TULP1: variants seen among roughly 807,000 people sequenced by gnomAD.
TULP1 encodes TUB like protein 1, also known as tubby-related protein 1.
Under a neutral mutation model 67.1 loss-of-function variants are expected in TULP1, and 50 were observed. The ratio of observed to expected loss-of-function variants is 0.75; its 90% CI spans 0.59 to 0.94. The LOEUF is 0.94. Among genes scored for constraint, TULP1 ranks in the 40% least tolerant of loss-of-function variants. The pLI is 0.00. For synonymous variants in TULP1, 297 were observed against 294.0 expected, an observed-to-expected ratio of 1.01 and a Z score of -0.11; for missense variants, 746 against 734.1, an observed-to-expected ratio of 1.02 and a Z score of -0.19.
chr6:35,500,280 G>A, intron 13 of TULP1, 128 bp from the exon 14 acceptor site: 1 of 1,002,274 alleles, frequency 1.0e-6, no homozygotes, highest in Non-Finnish European at 1.6e-6. Context: ...TCATCCATTA[G>A]GGTATCTGAG....
Position 35,506,112 on chromosome 6 carries a change from C to T in TULP1, c.890G>A (p.Arg297Gln), listed in dbSNP as rs777674253. 3 of 1,613,664 alleles carry T rather than the reference C, an allele frequency of 1.9e-6. No homozygotes were observed. The highest frequency in any genetic ancestry group is 1.7e-5 in the Admixed American group (1 of 60,020). Residue 297 changes from arginine to glutamine, a missense_variant, in exon 10 of 15, where the codon CGG (arginine) becomes CAG (glutamine). Arg to Gln is a conservative substitution (Grantham distance 43). Transcript: ENST00000229771. ...EVDEPREFVL[R>Q]PAPQGRTVRC... ...CACCGTGCGGCCCTGGGGGGCAGGC[C>T]GGAGCACAAACTCCCGGGGTTCGTC...
chr6:35,512,098 G>A (rs1357747672), intron 3 of TULP1, 82 bp downstream of exon 3: 1 of 850,678 alleles, frequency 1.2e-6, no homozygotes, highest in Admixed American at 3.7e-5. Context: ...CCAGGGCTCG[G>A]CGACACCCGC....
chr6:35,498,593 C>A lies in TULP1; in HGVS notation c.1496-133G>T. The A allele has an allele frequency of 7.4e-7, 1 of 1,346,310 alleles. No individual in the cohort carries two copies. Among genetic ancestry groups the A allele is most frequent in the Non-Finnish European group, 1.0e-6 (1 of 981,270 alleles). The allele number at this position is 1,346,310 out of a possible 1,614,324, so 83.4% of individuals were successfully genotyped here. On this transcript the variant is annotated intron_variant, in intron 14 of 14. Transcript: ENST00000229771. The surrounding 1 kb of genome is among the most constrained non-coding windows in gnomAD (Gnocchi z 6.7). ...CAACCCTCAGCCACCATCTCAGTTA[C>A]TCAACACCCATCCCTTCTTCTATCT...
In TULP1 at chr6:35,509,237, T is replaced by G; in HGVS notation, c.794A>C (p.Lys265Thr). 1 of 1,613,860 alleles carries G rather than the reference T, an allele frequency of 6.2e-7. No homozygotes were observed. Among genetic ancestry groups the G allele is most frequent in the East Asian group, 2.2e-5 (1 of 44,872 alleles). The stretch of plus-strand genomic sequence containing the variant: ...TTTGCCTTTTCCTTTGGCTTTGCCC[T>G]TTTGATTGCTCTTCTTTATCACCGT... ...AATVIKKSNQ[K>T]GKAKGKGKKK... is the part of the protein sequence containing the mutation. The change falls in exon 8 of 15, where the codon AAG (lysine) becomes ACG (threonine). Residue 265 changes from lysine (K) to threonine (T), a missense_variant. Physicochemically the swap from Lys to Thr is moderately conservative, Grantham distance 78. Around this residue, in one of 3 missense-constraint regions of TULP1, gnomAD observed 4 missense variants for 18.1 expected, o/e 0.22. Transcript: ENST00000229771.
At position 35,511,797 on chromosome 6, in the gene TULP1, G is replaced by C. The variant is rs7764472; in HGVS notation, c.200C>G (p.Thr67Arg). ...GGAAGGCTCCTCCCGCGGCCTCCCC[G>C]TCCGCCCAGCTGAGCCGAGATGCGG... ...SKPRKPGAGR[T>R]GRPREEPSPD... Residue 67 changes from threonine (T) to arginine (R), a missense_variant, in exon 4 of 15, where the codon ACG (threonine) becomes AGG (arginine). Physicochemically the swap from Thr to Arg is moderately conservative, Grantham distance 71. Around this residue, in one of 3 missense-constraint regions of TULP1, gnomAD observed 359 missense variants for 341.9 expected, o/e 1.05. Transcript: ENST00000229771. 1,328,612 of 1,557,490 alleles carry C rather than the reference G, an allele frequency of 0.85. 568,033 individuals carry two copies. The highest frequency in any genetic ancestry group is 0.98 in the African/African-American group (71,692 of 73,508).
chr6:35,500,198 G>C, intron 13 of TULP1, 46 bp from the exon 14 acceptor site: 1 of 1,604,844 alleles, frequency 6.2e-7, no homozygotes, highest in Non-Finnish European at 8.5e-7. Context: ...AGTTAGAGAT[G>C]GCTGAGATGG....
In TULP1 at chr6:35,498,485, G is replaced by T; in HGVS notation, c.1496-25C>A. The T allele has an allele frequency of 1.9e-6, 3 of 1,613,152 alleles. No homozygotes were observed. The highest frequency in any genetic ancestry group is 2.5e-6 in the Non-Finnish European group (3 of 1,179,940). On this transcript the variant is annotated intron_variant, in intron 14 of 14. Transcript: ENST00000229771. The surrounding 1 kb of genome is among the most constrained non-coding windows in gnomAD (Gnocchi z 6.7). ...GCTATGGACACAAGACGGGGTGGGGGCGGCCCGAGACCTCCTTGGACCCCC... is the reference window on the plus strand; with the variant it reads ...GCTATGGACACAAGACGGGGTGGGGTCGGCCCGAGACCTCCTTGGACCCCC...
rs957552177 is a variant in TULP1 at position 35,505,851 on chromosome 6, C to T, written c.1002G>A (p.Val334=). Residue 334 remains valine, a splice_region_variant and synonymous_variant, in exon 11 of 15, where the codon GTG becomes GTA. Coordinates refer to ENST00000229771, the MANE Select transcript of TULP1 (RefSeq NM_003322.6). ...TTCGTTTCCTGCCAGCCAAGAGGAA[C>T]ACCTGGGGAAAAGGGGAGACAGGTG... is the stretch of plus-strand genomic sequence containing the variant. ...YFLHLDTEKK[V]FLLAGRKRKR... The T allele has an allele frequency of 9.3e-6, 15 of 1,614,042 alleles. No homozygotes were observed. The highest frequency in any genetic ancestry group is 5.3e-5 in the African/African-American group (4 of 74,902).
intron 13 of TULP1, among the ~76,000 whole-genome samples, chr6:35,501,191 G>A (rs557921244): frequency 2.8e-4 from 43 of 151,468 alleles, no homozygotes; most frequent in African/African-American, 9.4e-4. Context: ...ACACACACAC[G>A]CAAAACAACT....
chr6:35,510,040 G>T, intron 5 of TULP1, 112 bp from the exon 6 acceptor site: 1 of 977,182 alleles, frequency 1.0e-6, no homozygotes, highest in Non-Finnish European at 1.6e-6. Context: ...AGCTTGACAG[G>T]GGCCCACAGC....
intron 5 of TULP1, 32 bp from the exon 6 acceptor site, chr6:35,509,960 A>G: frequency 6.2e-7 from 1 of 1,606,902 alleles, no homozygotes; most frequent in Non-Finnish European, 8.5e-7. Flanking sequence ...CAGGCAAAGA[A>G]GGTGTCTACT....
Position 35,511,793 on chromosome 6 carries a change from C to T in TULP1, c.204G>A (p.Gly68=), listed in dbSNP as rs1363255835. The T allele has an allele frequency of 1.9e-6, 3 of 1,561,738 alleles. No individual in the cohort carries two copies. In the East Asian group the frequency reaches 7.1e-5, roughly 37 times the overall value. Residue 68 remains glycine (G), a synonymous_variant, in exon 4 of 15, where the codon GGG becomes GGA. Transcript: ENST00000229771. ...CTGGGGAAGGCTCCTCCCGCGGCCT[C>T]CCCGTCCGCCCAGCTGAGCCGAGAT... ...KPRKPGAGRT[G]RPREEPSPDP...
At position 35,512,874 on chromosome 6, in the gene TULP1, C is replaced by T. The variant is rs372503909; in HGVS notation, c.-16G>A. On this transcript the variant is annotated 5_prime_UTR_variant, in exon 1 of 15. Transcript: ENST00000229771. The stretch of plus-strand genomic sequence containing the variant: ...GCAGAGGCATGGTGCCTTTGCCTAT[C>T]GCACCCCTTTCTCTGCAGGTCTAGG... 2 of 1,611,984 alleles carry T rather than the reference C, an allele frequency of 1.2e-6. No individual in the cohort carries two copies. Among genetic ancestry groups the T allele is most frequent in the African/African-American group, 1.3e-5 (1 of 74,872 alleles).
In TULP1 at chr6:35,498,137, G is replaced by A; in HGVS notation, c.*190C>T. 3.2e-6 allele frequency: 3 copies of A among 926,338 alleles called. No individual in the cohort carries two copies. The highest frequency in any genetic ancestry group is 4.7e-6 in the Non-Finnish European group (3 of 632,182). The allele number at this position is 926,338 out of a possible 1,614,324, so 57.4% of individuals were successfully genotyped here. On this transcript the variant is annotated 3_prime_UTR_variant, in exon 15 of 15. Coordinates refer to ENST00000229771, the MANE Select transcript of TULP1 (RefSeq NM_003322.6). This position sits in a 1 kb window ranked among gnomAD's most constrained non-coding sequence, Gnocchi z 6.7. ...GTTCTTCATCTCCGTCCTACCCGCCGTCCGGGCTCCTCCTGCCTCGGCCTG... is the reference window on the plus strand; with the variant it reads ...GTTCTTCATCTCCGTCCTACCCGCCATCCGGGCTCCTCCTGCCTCGGCCTG...
intron 14 of TULP1, among the ~76,000 whole-genome samples, chr6:35,499,366 C>T (rs1768779118): frequency 6.6e-6 from 1 of 152,224 alleles, no homozygotes; most frequent in South Asian, 2.1e-4. Context: ...ACTGTCAGCT[C>T]TACCTCCTAC....
intron 13 of TULP1, among the ~76,000 whole-genome samples, chr6:35,502,118 A>G (rs1581737463): frequency 6.6e-6 from 1 of 152,006 alleles, no homozygotes; most frequent in Non-Finnish European, 1.5e-5. Flanking sequence ...TAATATTGAG[A>G]CTTACACACT....
Position 35,498,095 on chromosome 6 carries a change from C to A in TULP1, c.*232G>T. On this transcript the variant is annotated 3_prime_UTR_variant, in exon 15 of 15. Transcript: ENST00000229771. This position sits in a 1 kb window ranked among gnomAD's most constrained non-coding sequence, Gnocchi z 6.7. Reference sequence around the variant, plus strand: ...CAGGCGAGCTCCGAGACCAGATGTGCGGCTCCAACTCCAGATGTTCTTCAT... The same window carrying A: ...CAGGCGAGCTCCGAGACCAGATGTGAGGCTCCAACTCCAGATGTTCTTCAT... 1.5e-6 allele frequency: 1 copy of A among 668,514 alleles called. No individual in the cohort carries two copies. 41.4% of individuals were successfully genotyped at this position (668,514 alleles called of 1,614,324 possible). A position where few individuals can be genotyped will look rare whatever the true frequency, so the allele number is the denominator to read the frequency against.
In TULP1 at chr6:35,511,777, G is replaced by C. The variant is rs200713417; in HGVS notation, c.220C>G (p.Pro74Ala). Reference protein sequence around the residue: ...AGRTGRPREEPSPDPAQARAP... With the variant: ...AGRTGRPREEASPDPAQARAP... ...CGGGCCTGGGCTGGGTCTGGGGAAGGCTCCTCCCGCGGCCTCCCCGTCCGC... is the reference window on the plus strand; with the variant it reads ...CGGGCCTGGGCTGGGTCTGGGGAAGCCTCCTCCCGCGGCCTCCCCGTCCGC... Residue 74 changes from proline to alanine, a missense_variant, in exon 4 of 15, where the codon CCT (proline) becomes GCT (alanine). Transcript: ENST00000229771. 4 of 1,572,666 alleles carry C rather than the reference G, an allele frequency of 2.5e-6. No individual in the cohort carries two copies. In the Admixed American group the frequency reaches 5.5e-5, roughly 21 times the overall value.
At position 35,512,801 on chromosome 6, in the gene TULP1, G is replaced by C; in HGVS notation, c.47+11C>G. 6.2e-7 allele frequency: 1 copy of C among 1,606,728 alleles called. No homozygotes were observed. The highest frequency in any genetic ancestry group is 8.5e-7 in the Non-Finnish European group (1 of 1,177,296). On this transcript the variant is annotated intron_variant, in intron 1 of 14. Coordinates refer to ENST00000229771, the MANE Select transcript of TULP1 (RefSeq NM_003322.6). Reference sequence around the variant, plus strand: ...AGGGTTCAGGTGCCACGAACTGGGGGCCTTCCAGACCTGTCAGAGGCCCAC... The same window carrying C: ...AGGGTTCAGGTGCCACGAACTGGGGCCCTTCCAGACCTGTCAGAGGCCCAC...
Sources: gnomAD v4.1 joint callset for allele counts (sites outside exome capture counted in the v4.1 genomes callset) on GRCh38, gnomAD v4.1.1 for gene constraint, gnomAD v4.1.1 regional missense constraint, Gnocchi (gnomAD v3.1) non-coding constraint, MANE v1.5 for transcripts, NCBI Gene and HGNC (gene_info 2026-07-23, HGNC 2026-07-21) for gene names.